The following NPHP4 variants were observed in gnomAD, a reference collection of about 807,000 sequenced individuals.
NPHP4 encodes nephrocystin-4.
NPHP4 carries 151 observed loss-of-function variants against 155.8 expected under a neutral mutation model. The observed-to-expected ratio is 0.97, with a 90% CI of 0.85 to 1.11. The LOEUF (loss-of-function observed/expected upper bound fraction) is 1.11, where lower values mean the gene tolerates loss of function less well. Ranked by LOEUF, NPHP4 falls within the 50% of genes least tolerant of loss-of-function variation. The pLI, the probability that NPHP4 is intolerant of heterozygous loss-of-function variation, is 0.00. For missense variants in NPHP4, 1,956 were observed against 1,925.7 expected (o/e 1.02, Z -0.29); for synonymous variants, 845 against 816.8 (o/e 1.03, Z -0.59).
In NPHP4 at chr1:5,889,967, C is replaced by T. The variant is rs973109386; in HGVS notation, c.2304+901G>A. On this transcript the variant is annotated intron_variant, in intron 17 of 29. Coordinates refer to ENST00000378156, the MANE Select transcript of NPHP4 (RefSeq NM_015102.5). The surrounding 1 kb of genome is among the most constrained non-coding windows in gnomAD (Gnocchi z 4.2). ...AGTCGGTCACACGGGGAGCCAAGAG[C>T]AGACCATGCCTCAGAGGAAGAGCAG... Among the ~76,000 whole-genome samples, 2 of 152,236 alleles carry T rather than the reference C, an allele frequency of 1.3e-5. No individual in the cohort carries two copies. Among genetic ancestry groups the T allele is most frequent in the Admixed American group, 1.3e-4 (2 of 15,290 alleles).
intron 6 of NPHP4, among the ~76,000 whole-genome samples, chr1:5,954,350 CAT>C (rs1386358336): frequency 3.3e-5 from 5 of 152,122 alleles, no homozygotes; most frequent in African/African-American, 1.2e-4. Context: ...AGAATAGTAA[CAT>C]ATGAAACTAT....
intron 16 of NPHP4, among the ~76,000 whole-genome samples, chr1:5,895,116 G>C (rs1644328228): frequency 6.6e-6 from 1 of 152,004 alleles, no homozygotes; most frequent in Non-Finnish European, 1.5e-5. Flanking sequence ...CTCACTCATA[G>C]GTGGGAACTG....
chr1:5,926,582 T>C (rs972704168), intron 11 of NPHP4, among the ~76,000 whole-genome samples: 1 of 152,190 alleles, frequency 6.6e-6, no homozygotes, highest in African/African-American at 2.4e-5. Flanking sequence ...CAGAAAATCA[T>C]CAACTTCATC....
intron 7 of NPHP4, among the ~76,000 whole-genome samples, chr1:5,950,913 C>G (rs575426301): frequency 1.3e-5 from 2 of 152,346 alleles, no homozygotes; most frequent in South Asian, 4.1e-4. Context: ...TGCCCTCACA[C>G]GGACGACCAT....
rs1466097723 is a variant in NPHP4 at position 5,948,240 on chromosome 1, T to C, written c.822A>G (p.Pro274=). The C allele has an allele frequency of 6.4e-7, 1 of 1,573,562 alleles. No homozygotes were observed. Among genetic ancestry groups the C allele is most frequent in the African/African-American group, 1.3e-5 (1 of 74,074 alleles). ...GGATCTCCAGGGCACCACCGTCCAG[T>C]GGGCCACATCCCTGGAAGAGGCACA... The part of the protein sequence containing the change: ...VQDHFQEGCG[P]LDGGALEILE... Residue 274 remains proline, a synonymous_variant, in exon 8 of 30, where the codon CCA becomes CCG. Coordinates refer to ENST00000378156, the MANE Select transcript of NPHP4 (RefSeq NM_015102.5).
Position 5,933,292 on chromosome 1 carries a change from A to G in NPHP4, c.1157T>C (p.Met386Thr), listed in dbSNP as rs1162597211. 6 of 1,613,522 alleles carry G rather than the reference A, an allele frequency of 3.7e-6. No homozygotes were observed. The highest frequency in any genetic ancestry group is 4.2e-6 in the Non-Finnish European group (5 of 1,179,830). The change falls in exon 10 of 30, where the codon ATG (methionine) becomes ACG (threonine). Residue 386 changes from methionine (M) to threonine (T), a missense_variant. Physicochemically the swap from Met to Thr is moderately conservative, Grantham distance 81. Transcript: ENST00000378156. ...SVTSLSNLAC[M>T]HMVRWAVWNP... ...CCAAACAGCCCAGCGGACCATGTGC[A>G]TGCATGCCAGGTTGGACAGAGAGGT... is the stretch of plus-strand genomic sequence containing the variant.
At position 5,873,289 on chromosome 1, in the gene NPHP4, G is replaced by C; in HGVS notation, c.3278C>G (p.Pro1093Arg). ...SNEKGMDAVS[P>R]WKSSAVPTKH... ...AGTGGGCACTGCGCTGGACTTCCAA[G>C]GTGACACGGCGTCCATGCCCTTCTC... Residue 1093 changes from proline (P) to arginine (R), a missense_variant, in exon 23 of 30, where the codon CCT becomes CGT. Pro to Arg is a moderately radical substitution (Grantham distance 103). Transcript: ENST00000378156. 1 of 1,613,972 alleles carries C rather than the reference G, an allele frequency of 6.2e-7. No homozygotes were observed. Among genetic ancestry groups the C allele is most frequent in the Non-Finnish European group, 8.5e-7 (1 of 1,179,848 alleles).
intron 27 of NPHP4, 101 bp downstream of exon 27, chr1:5,865,001 C>T: frequency 8.2e-7 from 1 of 1,222,840 alleles, no homozygotes. Context: ...GCTGGAAAAG[C>T]TGCTGTCAGG....
chr1:5,963,810 C>T (rs1055954506), intron 5 of NPHP4, among the ~76,000 whole-genome samples: 60 of 151,872 alleles, frequency 4.0e-4, no homozygotes, highest in Non-Finnish European at 1.0e-4. Context: ...GCCTCAGCCT[C>T]CCCAGTTGCT....
chr1:5,981,552 T>C (rs111869077), intron 2 of NPHP4, among the ~76,000 whole-genome samples: 6 of 152,194 alleles, frequency 3.9e-5, no homozygotes, highest in African/African-American at 1.2e-4. Context: ...AAAACAAGCA[T>C]GTAATATTCT....
chr1:5,894,581 A>C (rs72856200), intron 16 of NPHP4, among the ~76,000 whole-genome samples: 5,274 of 152,290 alleles, frequency 0.035, 292 homozygotes, highest in African/African-American at 0.12. Context: ...AATACTACTT[A>C]TCAGTATCAA....
At chr1:5,973,879 G>C (rs1040664641) in intron 3 of NPHP4, among the ~76,000 whole-genome samples, 2 of 152,236 alleles carry the variant, frequency 1.3e-5, no homozygotes, top group Admixed American at 1.3e-4. Flanking sequence ...TAGAGCCATA[G>C]AGCCTCCCTC....
At position 5,933,764 on chromosome 1, in the gene NPHP4, T is replaced by C. The variant is rs138435363; in HGVS notation, c.1120-435A>G. ...CACTTTGAATTCCTAATCAGAAATT[T>C]GGTAAAATAACGAAGAATGCACATG... On this transcript the variant is annotated intron_variant, in intron 9 of 29. Coordinates refer to ENST00000378156, the MANE Select transcript of NPHP4 (RefSeq NM_015102.5). 6.6e-5 allele frequency among the ~76,000 whole-genome samples: 10 copies of C among 152,330 alleles called. No individual in the cohort carries two copies. In the East Asian group the frequency reaches 1.9e-3, roughly 29 times the overall value.
rs76300087 is a variant in NPHP4 at position 5,975,851 on chromosome 1, C to G, written c.279+2419G>C. Among the ~76,000 whole-genome samples the G allele has an allele frequency of 6.2e-4, 94 of 152,324 alleles. No individual in the cohort carries two copies. In the East Asian group the frequency reaches 0.016, roughly 26 times the overall value. On this transcript the variant is annotated intron_variant, in intron 3 of 29. Coordinates refer to ENST00000378156, the MANE Select transcript of NPHP4 (RefSeq NM_015102.5). ...AGAGAGAGGCATCCATTCCAAAGAT[C>G]GTCCTACCATGTGACTGGAATTCTA...
chr1:5,940,177 T>G (rs898396559), intron 9 of NPHP4, among the ~76,000 whole-genome samples: 1 of 152,260 alleles, frequency 6.6e-6, no homozygotes, highest in South Asian at 2.1e-4. Context: ...TGGAGCCTCA[T>G]GAGAGGTGGT....
chr1:5,971,996 T>C (rs531973384), intron 3 of NPHP4, among the ~76,000 whole-genome samples: 3 of 152,330 alleles, frequency 2.0e-5, no homozygotes, highest in African/African-American at 7.2e-5. Context: ...CGGACACCAT[T>C]TTGCCTCGGG....
In NPHP4 at chr1:5,986,145, A is replaced by G. The variant is rs1655447467; in HGVS notation, c.135+10T>C. 5.0e-6 allele frequency: 8 copies of G among 1,613,750 alleles called. No homozygotes were observed. The East Asian group carries it at 1.6e-4, about 31-fold the overall frequency. ...AATAACACGCATTTGCTAACAGCAC[A>G]TTTTGTTACCTGCCTAATTACCGGT... On this transcript the variant is annotated intron_variant, in intron 2 of 29. Transcript: ENST00000378156.
chr1:5,933,666 T>C (rs1162295301), intron 9 of NPHP4, among the ~76,000 whole-genome samples: 1 of 152,196 alleles, frequency 6.6e-6, no homozygotes, highest in Non-Finnish European at 1.5e-5. Flanking sequence ...CATAAGGATC[T>C]TTCCATAGGT....
At chr1:5,912,462 CG>C (rs949937294) in intron 11 of NPHP4, among the ~76,000 whole-genome samples, 8 of 148,162 alleles carry the variant, frequency 5.4e-5, no homozygotes, top group African/African-American at 1.8e-4. Context: ...GGCGTGAACC[CG>C]GGAGGCGGAG....
Sources: gnomAD v4.1 joint callset for allele counts (sites outside exome capture counted in the v4.1 genomes callset) on GRCh38, gnomAD v4.1.1 for gene constraint, Gnocchi (gnomAD v3.1) non-coding constraint, MANE v1.5 for transcripts, NCBI Gene and HGNC (gene_info 2026-07-23, HGNC 2026-07-21) for gene names.